Variants in ARG2 observed in about 807,000 individuals in gnomAD.
ARG2 encodes the protein arginase 2.
A neutral mutation model predicts 39.4 loss-of-function variants in ARG2; 21 were observed. That is an observed-to-expected ratio of 0.53 (90% confidence interval 0.38 to 0.77). The LOEUF is 0.77. Among genes scored for constraint, ARG2 ranks in the 30% least tolerant of loss-of-function variants. ARG2 has a pLI of 0.00. For missense variants in ARG2, 378 were observed against 426.2 expected, an observed-to-expected ratio of 0.89 and a Z score of 1.00; for synonymous variants, 150 against 156.7, an observed-to-expected ratio of 0.96 and a Z score of 0.32.
At chr14:67,629,393 C>CT (rs2140726331) in intron 2 of ARG2, among the ~76,000 whole-genome samples, 1 of 152,290 alleles carries the variant, frequency 6.6e-6, no homozygotes, top group East Asian at 1.9e-4. Context: ...TATGGGTGAA[C>CT]TTTGAGGACA....
rs1299202151 is a variant in ARG2, at chr14:67,619,991, G to A, written c.14G>A (p.Gly5Asp). The A allele has an allele frequency of 1.9e-6, 3 of 1,605,092 alleles. No individual in the cohort carries two copies. The highest frequency in any genetic ancestry group is 2.6e-6 in the Non-Finnish European group (3 of 1,176,116). The change falls in exon 1 of 8, where the codon GGC (glycine) becomes GAC (aspartate). Residue 5 changes from glycine to aspartate, a missense_variant. Physicochemically the swap from Gly to Asp is moderately conservative, Grantham distance 94. Transcript: ENST00000261783. ...GTGCTGCGGATCATGTCCCTAAGGG[G>A]CAGCCTCTCGCGTCTCCTCCAGACG... MSLR[G>D]SLSRLLQTRV... is the part of the protein sequence containing the mutation.
chr14:67,636,303 A>G (rs772688958), intron 2 of ARG2, among the ~76,000 whole-genome samples: 6 of 152,128 alleles, frequency 3.9e-5, no homozygotes, highest in Non-Finnish European at 7.4e-5. Flanking sequence ...AACCTTACTC[A>G]TCATGTAATC....
chr14:67,641,729 C>T (rs1018669182), intron 2 of ARG2, among the ~76,000 whole-genome samples: 231 of 152,218 alleles, frequency 1.5e-3, no homozygotes, highest in Non-Finnish European at 3.7e-4. Flanking sequence ...CAGTTGAGGT[C>T]AGAAGTTTGA....
intron 7 of ARG2, chr14:67,648,427 CAATTA>C (rs1342827934): frequency 6.0e-6 from 2 of 335,352 alleles, no homozygotes; most frequent in Non-Finnish European, 1.1e-5. Context: ...TATATTTAAA[CAATTA>C]AATACAAGAA....
At position 67,651,642 on chromosome 14, in the gene ARG2, C is replaced by T; in HGVS notation, c.*722C>T. The T allele has an allele frequency of 1.5e-6, 1 of 680,744 alleles. No individual in the cohort carries two copies. Among genetic ancestry groups the T allele is most frequent in the South Asian group, 2.1e-5 (1 of 48,090 alleles). 42.2% of individuals were successfully genotyped at this position (680,744 alleles called of 1,614,324 possible). A position where few individuals can be genotyped will look rare whatever the true frequency, so the allele number is the denominator to read the frequency against. On this transcript the variant is annotated 3_prime_UTR_variant, in exon 8 of 8. Coordinates refer to ENST00000261783, the MANE Select transcript of ARG2 (RefSeq NM_001172.4). ...TACTCATAAGGTTCTTTAGCTGTCACTTAGGGATAACACTGTCTACCTCAC... is the reference window on the plus strand; with the variant it reads ...TACTCATAAGGTTCTTTAGCTGTCATTTAGGGATAACACTGTCTACCTCAC...
At chr14:67,628,631 T>C (rs998409203) in intron 2 of ARG2, among the ~76,000 whole-genome samples, 6 of 152,242 alleles carry the variant, frequency 3.9e-5, no homozygotes, top group Admixed American at 6.5e-5. Context: ...TTCTAGACAC[T>C]GTGCTAGGCA....
Position 67,624,692 on chromosome 14 carries a change from G to A in ARG2, c.184+3726G>A, listed in dbSNP as rs1223925330. ...ACCAGGCCAGACCTCCAACATTGGG[G>A]ATTAAAATTCAACATGAGATTTGGA... is the stretch of plus-strand genomic sequence containing the variant. On this transcript the variant is annotated intron_variant, in intron 2 of 7. Coordinates refer to ENST00000261783, the MANE Select transcript of ARG2 (RefSeq NM_001172.4). Among the ~76,000 whole-genome samples the A allele has an allele frequency of 2.6e-5, 4 of 152,154 alleles. No individual in the cohort carries two copies. In the East Asian group the frequency reaches 5.8e-4, roughly 22 times the overall value.
rs568606470 is a variant in ARG2 at position 67,619,972 on chromosome 14, C to T, written c.-6C>T. 6.3e-6 allele frequency: 10 copies of T among 1,575,422 alleles called. No individual in the cohort carries two copies. The Admixed American group carries it at 1.5e-4, about 23-fold the overall frequency. On this transcript the variant is annotated 5_prime_UTR_variant, in exon 1 of 8. Coordinates refer to ENST00000261783, the MANE Select transcript of ARG2 (RefSeq NM_001172.4). ...TCTGCCTTGGAGATTCTCAGTGCTG[C>T]GGATCATGTCCCTAAGGGGCAGCCT...
At chr14:67,628,460 G>A (rs1191306500) in intron 2 of ARG2, among the ~76,000 whole-genome samples, 1 of 152,188 alleles carries the variant, frequency 6.6e-6, no homozygotes, top group African/African-American at 2.4e-5. Flanking sequence ...TTAGTGATGT[G>A]CCTGCATAGA....
At position 67,620,049 on chromosome 14, in the gene ARG2, CTCCG is replaced by C. The variant is rs772101189; in HGVS notation, c.74_77del (p.Ser25TrpfsTer3). 8.1e-6 allele frequency: 13 copies of C among 1,611,826 alleles called. No homozygotes were observed. The highest frequency in any genetic ancestry group is 1.1e-5 in the Non-Finnish European group (13 of 1,179,020). ...ATTCCATCCTGAAGAAATCCGTCCA[CTCCG>C]TGGCTGTGATAGGAGCCCCGTTCTC... On this transcript the variant is annotated frameshift_variant, in exon 1 of 8. Coordinates refer to ENST00000261783, the MANE Select transcript of ARG2 (RefSeq NM_001172.4). LOFTEE classifies it high-confidence loss of function.
chr14:67,632,769 CTCTT>C (rs902990381), intron 2 of ARG2, among the ~76,000 whole-genome samples: 13 of 129,806 alleles, frequency 1.0e-4, no homozygotes, highest in African/African-American at 2.6e-4. Flanking sequence ...GAAGGGAGGT[CTCTT>C]TCTTTATTTT....
chr14:67,629,028 T>C (rs1337676252), intron 2 of ARG2, among the ~76,000 whole-genome samples: 1 of 152,154 alleles, frequency 6.6e-6, no homozygotes, highest in African/African-American at 2.4e-5. Context: ...TATAATGGAC[T>C]ATCATTCATT....
intron 2 of ARG2, among the ~76,000 whole-genome samples, chr14:67,625,680 CAAAAAAAAAAA>C (rs1176476000): frequency 3.1e-5 from 1 of 32,128 alleles, no homozygotes; most frequent in African/African-American, 1.0e-4. Context: ...AACTCCATCT[CAAAAAAAAAAA>C]AAAAAAAAAG....
chr14:67,635,492 T>C (rs2036961985), intron 2 of ARG2, among the ~76,000 whole-genome samples: 1 of 152,248 alleles, frequency 6.6e-6, no homozygotes, highest in African/African-American at 2.4e-5. Context: ...ATTGCAACTT[T>C]ATTTTTAATA....
At chr14:67,647,971 C>A in intron 6 of ARG2, 76 bp from the exon 7 acceptor site, 1 of 1,401,254 alleles carries the variant, frequency 7.1e-7, no homozygotes, top group Non-Finnish European at 9.8e-7. Context: ...GGAGTTGCAA[C>A]CATAAGAAGG....
chr14:67,637,410 C>CAAAAAAAAAAAAAAA (rs34746542), intron 2 of ARG2, among the ~76,000 whole-genome samples: 1 of 103,620 alleles, frequency 9.7e-6, no homozygotes, highest in Non-Finnish European at 1.8e-5. Context: ...GACTCTGTCT[C>CAAAAAAAAAAAAAAA]AAAAAAAAAA....
rs1311536911 is a variant in ARG2 at position 67,646,668 on chromosome 14, TG to T, written c.549del (p.Trp183Ter). Reference protein sequence around the residue: ...DKVPQLPGFSWIKPCISSASI... With the variant: ...DKVPQLPGFSXIKPCISSASI... ...GGTACCACAACTCCCAGGATTTTCC[TG>T]GATCAAACCTTGTATCTCTTCTGCA... On this transcript the variant is annotated frameshift_variant, in exon 5 of 8. Transcript: ENST00000261783. LOFTEE classifies it high-confidence loss of function. The T allele has an allele frequency of 6.2e-7, 1 of 1,613,348 alleles. No individual in the cohort carries two copies. The highest frequency in any genetic ancestry group is 8.5e-7 in the Non-Finnish European group (1 of 1,179,316).
intron 1 of ARG2, 152 bp from the exon 2 acceptor site, chr14:67,620,742 A>G: frequency 2.8e-6 from 2 of 708,242 alleles, no homozygotes; most frequent in Non-Finnish European, 4.8e-6. Context: ...AGCTGATGTG[A>G]TTCCAACAAT....
At position 67,619,958 on chromosome 14, in the gene ARG2, G is replaced by C. The variant is rs1215186188; in HGVS notation, c.-20G>C. On this transcript the variant is annotated 5_prime_UTR_variant, in exon 1 of 8. Transcript: ENST00000261783. ...AACCGCGCGGAGCCTCTGCCTTGGA[G>C]ATTCTCAGTGCTGCGGATCATGTCC... 6.5e-7 allele frequency: 1 copy of C among 1,542,512 alleles called. No homozygotes were observed. The highest frequency in any genetic ancestry group is 8.8e-7 in the Non-Finnish European group (1 of 1,137,890).
Sources: gnomAD v4.1 joint callset for allele counts (sites outside exome capture counted in the v4.1 genomes callset) on GRCh38, gnomAD v4.1.1 for gene constraint, MANE v1.5 for transcripts, NCBI Gene and HGNC (gene_info 2026-07-23, HGNC 2026-07-21) for gene names.